Variants in LYPD6B observed in about 807,000 individuals in gnomAD.
LYPD6B encodes LY6/PLAUR domain containing 6B.
LYPD6B carries 17 observed loss-of-function variants against 22.8 expected under a neutral mutation model. The observed-to-expected ratio is 0.75, with a 90% CI of 0.51 to 1.12. LYPD6B has a LOEUF of 1.12. Ranked by LOEUF, LYPD6B falls within the 50% of genes most tolerant of loss-of-function variation. LYPD6B has a pLI of 0.00. For missense variants in LYPD6B, 221 were observed against 258.3 expected (o/e 0.86, Z 0.99); for synonymous variants, 106 against 91.6 (o/e 1.16, Z -0.90).
At chr2:149,068,082 T>C (rs1226970324) in intron 1 of LYPD6B, among the ~76,000 whole-genome samples, 1 of 152,212 alleles carries the variant, frequency 6.6e-6, no homozygotes, top group Admixed American at 6.5e-5. Flanking sequence ...GAAAAGTCTT[T>C]GCCCAAATCT....
At position 149,214,717 on chromosome 2, in the gene LYPD6B, C is replaced by A; in HGVS notation, c.*7C>A. On this transcript the variant is annotated 3_prime_UTR_variant, in exon 7 of 7. Coordinates refer to ENST00000409642, the MANE Select transcript of LYPD6B (RefSeq NM_177964.5). ...TGTGCTTCCATTGCTGTGATGCCAC[C>A]ATTCCTAGGAGAGGCAGAGACCAGC... 4.3e-6 allele frequency: 7 copies of A among 1,613,860 alleles called. No homozygotes were observed. Among genetic ancestry groups the A allele is most frequent in the Non-Finnish European group, 5.1e-6 (6 of 1,179,766 alleles).
At chr2:149,081,779 A>G (rs1685148159) in intron 1 of LYPD6B, among the ~76,000 whole-genome samples, 1 of 152,182 alleles carries the variant, frequency 6.6e-6, no homozygotes, top group Non-Finnish European at 1.5e-5. Context: ...ACATTTTAAA[A>G]CACATTTAAT....
intron 2 of LYPD6B, among the ~76,000 whole-genome samples, chr2:149,137,402 T>A (rs1434634139): frequency 6.6e-6 from 1 of 152,212 alleles, no homozygotes; most frequent in African/African-American, 2.4e-5. Context: ...ATATCTGGCT[T>A]ATCTATGCAT....
At chr2:149,057,384 C>T (rs1472787128) in intron 1 of LYPD6B, among the ~76,000 whole-genome samples, 1 of 140,908 alleles carries the variant, frequency 7.1e-6, no homozygotes, top group Non-Finnish European at 1.6e-5. Flanking sequence ...CTGACCCTGC[C>T]CTGCACTTTT....
intron 2 of LYPD6B, chr2:149,160,551 C>T (rs757519672): frequency 6.1e-6 from 4 of 656,186 alleles, no homozygotes; most frequent in African/African-American, 3.6e-5. Context: ...AAAACGCTAG[C>T]TCACACTCTC....
chr2:149,081,141 C>T (rs1276717645), intron 1 of LYPD6B, among the ~76,000 whole-genome samples: 1 of 152,154 alleles, frequency 6.6e-6, no homozygotes, highest in Non-Finnish European at 1.5e-5. Context: ...TGTTTACTGA[C>T]TTCTTGAGAT....
chr2:149,206,446 C>A (rs1440949373), intron 4 of LYPD6B, among the ~76,000 whole-genome samples: 2 of 152,014 alleles, frequency 1.3e-5, no homozygotes, highest in Admixed American at 1.3e-4. Context: ...ACATACACAC[C>A]TTGAACTACC....
intron 1 of LYPD6B, among the ~76,000 whole-genome samples, chr2:149,083,954 A>C (rs1002824265): frequency 8.4e-6 from 1 of 118,984 alleles, no homozygotes; most frequent in Non-Finnish European, 1.9e-5. Flanking sequence ...AAAACAAAAC[A>C]AACAAAAAAA....
intron 3 of LYPD6B, among the ~76,000 whole-genome samples, chr2:149,186,431 A>C (rs1024976536): frequency 6.6e-6 from 1 of 152,230 alleles, no homozygotes; most frequent in Non-Finnish European, 1.5e-5. Flanking sequence ...CTGCAGAAGA[A>C]GACTTTGAAA....
At chr2:149,075,422 A>G (rs1684837788) in intron 1 of LYPD6B, among the ~76,000 whole-genome samples, 1 of 152,190 alleles carries the variant, frequency 6.6e-6, no homozygotes, top group East Asian at 1.9e-4. Flanking sequence ...ATTTTACTGA[A>G]CACATTTCTG....
Position 149,094,034 on chromosome 2 carries a change from G to A in LYPD6B, c.-66-36849G>A, listed in dbSNP as rs376348363. 6.6e-5 allele frequency among the ~76,000 whole-genome samples: 10 copies of A among 152,118 alleles called. 1 individual carries two copies. Among genetic ancestry groups the A allele is most frequent in the East Asian group, 3.8e-4 (2 of 5,198 alleles). The stretch of plus-strand genomic sequence containing the variant: ...AATATGACTTTGATATTATGGAATG[G>A]ATAGAAAGTGGTGGAACAAGAAATG... On this transcript the variant is annotated intron_variant, in intron 1 of 6. Coordinates refer to ENST00000409642, the MANE Select transcript of LYPD6B (RefSeq NM_177964.5).
At chr2:149,167,791 C>T (rs1056058682) in intron 3 of LYPD6B, among the ~76,000 whole-genome samples, 1 of 152,128 alleles carries the variant, frequency 6.6e-6, no homozygotes, top group Non-Finnish European at 1.5e-5. Flanking sequence ...ACCAGTGTTG[C>T]AGGAAAGACA....
chr2:149,125,249 G>A (rs1164833887), intron 1 of LYPD6B, among the ~76,000 whole-genome samples: 2 of 152,074 alleles, frequency 1.3e-5, no homozygotes, highest in African/African-American at 2.4e-5. Context: ...GTCAAACAAC[G>A]CCTGGCCCCG....
chr2:149,166,865 C>CTTCCATCAT (rs1427005227), intron 3 of LYPD6B, among the ~76,000 whole-genome samples: 2 of 152,106 alleles, frequency 1.3e-5, no homozygotes, highest in Non-Finnish European at 2.9e-5. Flanking sequence ...GAGACCCAAG[C>CTTCCATCAT]TGCAGACTGC....
chr2:149,079,799 A>G (rs1685041898), intron 1 of LYPD6B, among the ~76,000 whole-genome samples: 4 of 152,166 alleles, frequency 2.6e-5, no homozygotes, highest in Admixed American at 2.6e-4. Context: ...TTCCCTTTAG[A>G]CAGGAGCATC....
intron 1 of LYPD6B, among the ~76,000 whole-genome samples, chr2:149,074,295 T>TG (rs1384445495): frequency 1.3e-5 from 2 of 151,446 alleles, no homozygotes; most frequent in Non-Finnish European, 2.9e-5. Context: ...CACACGCACA[T>TG]GTGCTCTCTC....
At chr2:149,144,266 ATGAAGAAAAAAGAAAACAAGAATGG>A (rs548498761) in intron 2 of LYPD6B, among the ~76,000 whole-genome samples, 309 of 151,998 alleles carry the variant, frequency 2.0e-3, no homozygotes, top group African/African-American at 7.2e-3. Context: ...AATGATTTGT[ATGAAGAAAAAAGAAAACAAGAATGG>A]GGGTGGGGTC....
At chr2:149,135,691 G>C (rs1003310362) in intron 2 of LYPD6B, among the ~76,000 whole-genome samples, 2 of 121,260 alleles carry the variant, frequency 1.6e-5, no homozygotes, top group African/African-American at 6.3e-5. Context: ...CTGCACTCCA[G>C]CCTGGGCAAC....
At chr2:149,125,040 C>G (rs889758002) in intron 1 of LYPD6B, among the ~76,000 whole-genome samples, 3 of 152,056 alleles carry the variant, frequency 2.0e-5, no homozygotes, top group African/African-American at 7.2e-5. Flanking sequence ...TGGTGTGGAT[C>G]GATGTGGTCA....
Sources: allele counts gnomAD v4.1 joint callset (sites outside exome capture counted in the v4.1 genomes callset), GRCh38; gene constraint gnomAD v4.1.1; transcripts MANE v1.5; gene names NCBI Gene and HGNC (gene_info 2026-07-23, HGNC 2026-07-21).